SH3BGR: variants seen among roughly 807,000 people sequenced by gnomAD.
SH3BGR encodes the protein SH3 domain-binding glutamic acid-rich protein.
In SH3BGR, 29 loss-of-function variants were observed where a neutral mutation model predicts 24.5. The observed-to-expected ratio is 1.18, with a 90% CI of 0.88 to 1.61. The LOEUF is 1.61. Ranked by LOEUF, SH3BGR falls within the 40% of genes most tolerant of loss-of-function variation. SH3BGR has a pLI of 0.00. For synonymous variants in SH3BGR, 55 were observed against 65.7 expected, an observed-to-expected ratio of 0.84 and a Z score of 0.79; for missense variants, 162 against 205.8, an observed-to-expected ratio of 0.79 and a Z score of 1.30.
intron 1 of SH3BGR, among the ~76,000 whole-genome samples, chr21:39,453,757 C>T (rs1193365451): frequency 6.6e-6 from 1 of 152,152 alleles, no homozygotes; most frequent in Non-Finnish European, 1.5e-5. Flanking sequence ...GCCTCAATTT[C>T]CTTGTCTGTA....
rs572779286 is a variant in SH3BGR, at chr21:39,485,238, G to T, written c.312+10023G>T. On this transcript the variant is annotated intron_variant, in intron 3 of 6. Transcript: ENST00000333634. ...AACCAATGTTTTCAATTATGCCCTG[G>T]CAAGAAGGAAGACAGATTCTTGTTG... Among the ~76,000 whole-genome samples the T allele has an allele frequency of 4.6e-5, 7 of 152,318 alleles. No individual in the cohort carries two copies. The South Asian group carries it at 1.5e-3, about 32-fold the overall frequency.
chr21:39,484,262 C>T (rs2078174739), intron 3 of SH3BGR, among the ~76,000 whole-genome samples: 2 of 152,186 alleles, frequency 1.3e-5, no homozygotes, highest in African/African-American at 4.8e-5. Context: ...TTCATATTTA[C>T]ATCCTCAGAG....
At chr21:39,486,506 T>C (rs377517238) in intron 3 of SH3BGR, among the ~76,000 whole-genome samples, 19 of 152,308 alleles carry the variant, frequency 1.2e-4, no homozygotes, top group African/African-American at 4.6e-4. Context: ...CAAGATGTAG[T>C]AGGTCTGGAG....
At chr21:39,510,365 T>TACACACAC (rs34333255) in intron 5 of SH3BGR, among the ~76,000 whole-genome samples, 46 of 115,854 alleles carry the variant, frequency 4.0e-4, no homozygotes, top group Non-Finnish European at 5.7e-4. Context: ...TGTAGCTACA[T>TACACACAC]ACACACACAC....
At chr21:39,509,186 A>G (rs1032650045) in intron 5 of SH3BGR, among the ~76,000 whole-genome samples, 159 bp downstream of exon 5, 1 of 152,168 alleles carries the variant, frequency 6.6e-6, no homozygotes, top group Non-Finnish European at 1.5e-5. Context: ...GAAGGAAAGT[A>G]AGTTGGAGAT....
chr21:39,513,051 C>G (rs1416838814), intron 6 of SH3BGR, among the ~76,000 whole-genome samples: 1 of 152,088 alleles, frequency 6.6e-6, no homozygotes, highest in Non-Finnish European at 1.5e-5. Flanking sequence ...TATTATGCCT[C>G]CACTGAAAAT....
intron 6 of SH3BGR, among the ~76,000 whole-genome samples, chr21:39,512,322 G>A (rs772732024): frequency 1.6e-4 from 24 of 152,250 alleles, no homozygotes; most frequent in Middle Eastern, 3.4e-3. Context: ...GGGTTTAGTC[G>A]TCAGTGCTTG....
At chr21:39,513,875 G>A (rs1019984921) in intron 6 of SH3BGR, among the ~76,000 whole-genome samples, 8 of 152,120 alleles carry the variant, frequency 5.3e-5, no homozygotes, top group South Asian at 2.1e-4. Flanking sequence ...AAATTGTGCA[G>A]TTTTAATGTG....
chr21:39,449,902 A>G (rs1186416123), upstream of SH3BGR, among the ~76,000 whole-genome samples: 1 of 152,174 alleles, frequency 6.6e-6, no homozygotes, highest in Non-Finnish European at 1.5e-5. Flanking sequence ...ACACCTACAA[A>G]TTGTTAGCTG....
intron 2 of SH3BGR, among the ~76,000 whole-genome samples, chr21:39,471,856 A>T (rs1311690682): frequency 6.6e-6 from 1 of 152,084 alleles, no homozygotes; most frequent in African/African-American, 2.4e-5. Flanking sequence ...TTCCGCTATT[A>T]TATCTTTTTA....
At chr21:39,447,889 G>C (rs987238087), upstream of SH3BGR, among the ~76,000 whole-genome samples, 3 of 152,148 alleles carry the variant, frequency 2.0e-5, no homozygotes, top group Non-Finnish European at 4.4e-5. Flanking sequence ...AGACTACCAC[G>C]AACTTAGGGG....
At chr21:39,459,543 T>C (rs1256849706) in intron 1 of SH3BGR, among the ~76,000 whole-genome samples, 1 of 151,676 alleles carries the variant, frequency 6.6e-6, no homozygotes, top group Non-Finnish European at 1.5e-5. Context: ...CTTTCTTTCT[T>C]TTTCTTTCTG....
chr21:39,512,758 C>A (rs1298362610), intron 6 of SH3BGR, among the ~76,000 whole-genome samples: 3 of 152,142 alleles, frequency 2.0e-5, no homozygotes, highest in Admixed American at 1.3e-4. Flanking sequence ...CACCACTGCA[C>A]TCCAGCCTGG....
chr21:39,481,140 T>A (rs1029243968), intron 3 of SH3BGR, among the ~76,000 whole-genome samples: 4 of 152,194 alleles, frequency 2.6e-5, no homozygotes, highest in African/African-American at 7.2e-5. Flanking sequence ...TTAATATTTT[T>A]AAACAACAAT....
chr21:39,490,730 G>C (rs577260862), intron 3 of SH3BGR, among the ~76,000 whole-genome samples: 2 of 133,364 alleles, frequency 1.5e-5, no homozygotes, highest in Admixed American at 1.7e-4. Flanking sequence ...ATCTGATTGG[G>C]TTTTGTGCAT....
intron 6 of SH3BGR, among the ~76,000 whole-genome samples, chr21:39,513,397 G>A (rs2078730801): frequency 6.6e-6 from 1 of 152,142 alleles, no homozygotes; most frequent in Non-Finnish European, 1.5e-5. Context: ...AGTCCAATTT[G>A]AATAGTAGGG....
intron 4 of SH3BGR, among the ~76,000 whole-genome samples, chr21:39,503,952 G>T (rs1350156838): frequency 6.6e-6 from 1 of 152,172 alleles, no homozygotes; most frequent in Non-Finnish European, 1.5e-5. Flanking sequence ...CTAAGGAACC[G>T]GCGCCTCAGG....
chr21:39,452,350 G>T (rs2077588543), intron 1 of SH3BGR, among the ~76,000 whole-genome samples: 1 of 152,162 alleles, frequency 6.6e-6, no homozygotes, highest in Non-Finnish European at 1.5e-5. Context: ...GGTGTGAAAA[G>T]GGATTCGAGT....
At chr21:39,488,557 C>A in intron 3 of SH3BGR, 1 of 340,408 alleles carries the variant, frequency 2.9e-6, no homozygotes, top group South Asian at 6.0e-5. Flanking sequence ...CAGACTGTGG[C>A]CAGGAACAAG....
Sources: allele counts gnomAD v4.1 joint callset (sites outside exome capture counted in the v4.1 genomes callset), GRCh38; gene constraint gnomAD v4.1.1; transcripts MANE v1.5; gene names NCBI Gene and HGNC (gene_info 2026-07-23, HGNC 2026-07-21).